Variants in KBTBD11 observed in about 807,000 individuals in gnomAD.
The protein encoded by KBTBD11 is kelch repeat and BTB domain containing 11.
For synonymous variants in KBTBD11, 747 were observed against 499.0 expected (o/e 1.50, Z -6.63); for missense variants, 1,390 against 1,001.8 (o/e 1.39, Z -5.23).
chr8:1,991,775 C>T (rs1816928156), intron 1 of KBTBD11, among the ~76,000 whole-genome samples: 3 of 151,884 alleles, frequency 2.0e-5, no homozygotes, highest in Non-Finnish European at 1.5e-5. Flanking sequence ...AGTGGGCCTT[C>T]TCGTTTTAGG....
chr8:1,981,539 T>C (rs967539335), intron 1 of KBTBD11, among the ~76,000 whole-genome samples: 2 of 152,182 alleles, frequency 1.3e-5, no homozygotes, highest in Non-Finnish European at 2.9e-5. Flanking sequence ...CCCCAATAGC[T>C]CGTAAAGTAT....
chr8:2,003,056 G>T lies in KBTBD11; in HGVS notation c.1864G>T (p.Ala622Ser). The change falls in exon 2 of 2, where the codon GCC becomes TCC. Residue 622 changes from alanine to serine, a missense_variant. Ala to Ser is a moderately conservative substitution (Grantham distance 99, BLOSUM62 1). Transcript: ENST00000320248. Reference protein sequence around the residue: ...PEKPPRGEQGAP With the variant: ...PEKPPRGEQGSP ...GAAGCCGCCCCGAGGGGAGCAGGGC[G>T]CCCCGTAGGCCGGCGGGGTCGGCGG... 1.6e-6 allele frequency: 2 copies of T among 1,264,222 alleles called. No homozygotes were observed. Among genetic ancestry groups the T allele is most frequent in the Non-Finnish European group, 2.0e-6 (2 of 1,001,952 alleles). The allele number at this position is 1,264,222 out of a possible 1,614,324, so 78.3% of individuals were successfully genotyped here. A position where few individuals can be genotyped will look rare whatever the true frequency, so the allele number is the denominator to read the frequency against.
rs773243453 is a variant in KBTBD11 at position 2,001,899 on chromosome 8, G to C, written c.707G>C (p.Cys236Ser). 3 of 1,431,048 alleles carry C rather than the reference G, an allele frequency of 2.1e-6. No homozygotes were observed. The highest frequency in any genetic ancestry group is 3.0e-5 in the African/African-American group (2 of 66,868). The allele number at this position is 1,431,048 out of a possible 1,614,324, so 88.6% of individuals were successfully genotyped here. A position where few individuals can be genotyped will look rare whatever the true frequency, so the allele number is the denominator to read the frequency against. Reference protein sequence around the residue: ...AVGPQLSLANCYEVLSAAKRQ... With the variant: ...AVGPQLSLANSYEVLSAAKRQ... ...GGGCCGCAGCTGAGCCTGGCCAACTGCTACGAGGTCCTGAGCGCGGCCAAG... is the reference window on the plus strand; with the variant it reads ...GGGCCGCAGCTGAGCCTGGCCAACTCCTACGAGGTCCTGAGCGCGGCCAAG... The change falls in exon 2 of 2, where the codon TGC (cysteine) becomes TCC (serine). Residue 236 changes from cysteine (C) to serine (S), a missense_variant. Coordinates refer to ENST00000320248, the MANE Select transcript of KBTBD11 (RefSeq NM_014867.3).
chr8:2,002,681 G>C lies in KBTBD11; in HGVS notation c.1489G>C (p.Ala497Pro). 4 of 1,560,978 alleles carry C rather than the reference G, an allele frequency of 2.6e-6. No individual in the cohort carries two copies. The highest frequency in any genetic ancestry group is 3.4e-6 in the Non-Finnish European group (4 of 1,162,572). ...SSRERSADMV[A>P]LDGFIYRFDL... ...CCGCGAGCGCTCGGCCGACATGGTG[G>C]CTCTCGACGGCTTCATCTACCGCTT... Residue 497 changes from alanine to proline, a missense_variant, in exon 2 of 2, where the codon GCT becomes CCT. By Grantham distance (27) the Ala-to-Pro change is conservative (BLOSUM62 -1). Coordinates refer to ENST00000320248, the MANE Select transcript of KBTBD11 (RefSeq NM_014867.3). The surrounding 1 kb of genome is among the most constrained non-coding windows in gnomAD (Gnocchi z 4.1).
At position 1,973,869 on chromosome 8, in the gene KBTBD11, A is replaced by G. The variant is rs975754682; in HGVS notation, c.-975A>G. The G allele has an allele frequency of 1.1e-4, 107 of 982,452 alleles. No homozygotes were observed. Among genetic ancestry groups the G allele is most frequent in the Admixed American group, 6.2e-5 (1 of 16,040 alleles). 60.9% of individuals were successfully genotyped at this position (982,452 alleles called of 1,614,324 possible). On this transcript the variant is annotated 5_prime_UTR_variant, in exon 1 of 2. It removes an upstream start codon present in the reference 5' UTR. Coordinates refer to ENST00000320248, the MANE Select transcript of KBTBD11 (RefSeq NM_014867.3). Reference sequence around the variant, plus strand: ...CAGGTGCCGGGAAGCGGCCGCGCGCATGCGCCGGAGCCCACCCGCCTGGCT... The same window carrying G: ...CAGGTGCCGGGAAGCGGCCGCGCGCGTGCGCCGGAGCCCACCCGCCTGGCT...
At chr8:2,000,210 G>C (rs1158229237) in intron 1 of KBTBD11, 75 bp from the exon 2 acceptor site, 1 of 152,234 alleles carries the variant, frequency 6.6e-6, no homozygotes, top group East Asian at 1.9e-4. Flanking sequence ...AGAGGGAAGG[G>C]TGGTAGACTC....
intron 1 of KBTBD11, chr8:1,974,271 C>T (rs983336461): frequency 1.0e-6 from 1 of 980,334 alleles, no homozygotes; most frequent in African/African-American, 1.8e-5. Context: ...CACAGGCCCT[C>T]CCCCGGGACG....
intron 1 of KBTBD11, among the ~76,000 whole-genome samples, chr8:1,987,735 T>C (rs1296671656): frequency 2.6e-5 from 4 of 151,478 alleles, no homozygotes; most frequent in Non-Finnish European, 5.9e-5. Flanking sequence ...TTTATTATTA[T>C]TATTATTATT....
chr8:1,995,469 G>A (rs1340024175), intron 1 of KBTBD11, among the ~76,000 whole-genome samples: 1 of 152,068 alleles, frequency 6.6e-6, no homozygotes, highest in African/African-American at 2.4e-5. Context: ...GTGTAATTCT[G>A]CACATTTTCA....
Position 1,973,830 on chromosome 8 carries a change from G to C in KBTBD11, c.-1014G>C. ...CGCTCGCAGGTGCTCGGAGAGGCCG[G>C]GCCGCGGCTCCCACAGGTGCCGGGA... On this transcript the variant is annotated 5_prime_UTR_variant, in exon 1 of 2. Transcript: ENST00000320248. 1 of 983,134 alleles carries C rather than the reference G, an allele frequency of 1.0e-6. No individual in the cohort carries two copies. The highest frequency in any genetic ancestry group is 1.2e-6 in the Non-Finnish European group (1 of 829,096). 60.9% of individuals were successfully genotyped at this position (983,134 alleles called of 1,614,324 possible).
At chr8:1,980,670 A>G (rs1303144453) in intron 1 of KBTBD11, among the ~76,000 whole-genome samples, 1 of 152,170 alleles carries the variant, frequency 6.6e-6, no homozygotes, top group African/African-American at 2.4e-5. Context: ...GTGTGCTGAG[A>G]AGTGCTTGTC....
intron 1 of KBTBD11, among the ~76,000 whole-genome samples, chr8:1,996,677 C>G (rs1005798492): frequency 3.3e-5 from 5 of 152,106 alleles, no homozygotes; most frequent in African/African-American, 1.2e-4. Context: ...GAAAGGAAGA[C>G]TCTTTTTAGC....
chr8:1,987,887 C>A (rs1208585057), intron 1 of KBTBD11, among the ~76,000 whole-genome samples: 1 of 152,094 alleles, frequency 6.6e-6, no homozygotes, highest in African/African-American at 2.4e-5. Context: ...CCCCCAGCTC[C>A]CCAGCCCCCG....
At position 2,000,875 on chromosome 8, in the gene KBTBD11, C is replaced by G. The variant is rs1452191176; in HGVS notation, c.-318C>G. ...CCAGTCATTGCTGGATGTTGGCTGA[C>G]GCGGTCCTGGCGCCAGCTGGAGATC... On this transcript the variant is annotated 5_prime_UTR_variant, in exon 2 of 2. Transcript: ENST00000320248. The G allele has an allele frequency of 3.2e-6, 1 of 310,110 alleles. No individual in the cohort carries two copies. The highest frequency in any genetic ancestry group is 2.1e-5 in the African/African-American group (1 of 46,654). 19.2% of individuals were successfully genotyped at this position (310,110 alleles called of 1,614,324 possible).
At chr8:1,992,629 C>T (rs1361384110) in intron 1 of KBTBD11, among the ~76,000 whole-genome samples, 1 of 151,800 alleles carries the variant, frequency 6.6e-6, no homozygotes, top group South Asian at 2.1e-4. Flanking sequence ...CATCCCAATC[C>T]CCATCCTTAT....
At chr8:1,992,438 G>C (rs2129313273) in intron 1 of KBTBD11, among the ~76,000 whole-genome samples, 1 of 152,168 alleles carries the variant, frequency 6.6e-6, no homozygotes, top group Admixed American at 6.5e-5. Context: ...AGCGAGCTCG[G>C]TGGAGGCTTT....
Position 2,002,973 on chromosome 8 carries a change from T to A in KBTBD11, c.1781T>A (p.Leu594Gln). The A allele has an allele frequency of 3.8e-6, 5 of 1,313,796 alleles. No homozygotes were observed. Among genetic ancestry groups the A allele is most frequent in the Non-Finnish European group, 4.8e-6 (5 of 1,032,524 alleles). 81.4% of individuals were successfully genotyped at this position (1,313,796 alleles called of 1,614,324 possible). A position where few individuals can be genotyped will look rare whatever the true frequency, so the allele number is the denominator to read the frequency against. ...DAGQGGGFEA[L>Q]GAPLDVRGVL... is the part of the protein sequence containing the mutation. ...GGCCAGGGCGGCGGCTTCGAGGCGC[T>A]GGGCGCCCCCTTGGACGTCCGGGGT... The change falls in exon 2 of 2, where the codon CTG becomes CAG. Residue 594 changes from leucine to glutamine, a missense_variant. Physicochemically the swap from Leu to Gln is moderately radical, Grantham distance 113. Coordinates refer to ENST00000320248, the MANE Select transcript of KBTBD11 (RefSeq NM_014867.3). The surrounding 1 kb of genome is among the most constrained non-coding windows in gnomAD (Gnocchi z 4.1).
In KBTBD11 at chr8:1,973,820, G is replaced by C. The variant is rs1036141738; in HGVS notation, c.-1024G>C. 2.0e-6 allele frequency: 2 copies of C among 983,124 alleles called. No individual in the cohort carries two copies. Among genetic ancestry groups the C allele is most frequent in the Admixed American group, 6.2e-5 (1 of 16,090 alleles). 60.9% of individuals were successfully genotyped at this position (983,124 alleles called of 1,614,324 possible). ...GAGCAGCTCCCGCTCGCAGGTGCTC[G>C]GAGAGGCCGGGCCGCGGCTCCCACA... On this transcript the variant is annotated 5_prime_UTR_variant, in exon 1 of 2. Transcript: ENST00000320248.
intron 1 of KBTBD11, among the ~76,000 whole-genome samples, chr8:1,998,338 C>A (rs1054963096): frequency 4.6e-5 from 7 of 152,204 alleles, no homozygotes; most frequent in African/African-American, 1.7e-4. Flanking sequence ...GTGTCTGTTT[C>A]ATCATGGAGA....
Sources: gnomAD v4.1 joint callset for allele counts (sites outside exome capture counted in the v4.1 genomes callset) on GRCh38, gnomAD v4.1.1 for gene constraint, Gnocchi (gnomAD v3.1) non-coding constraint, MANE v1.5 for transcripts, NCBI Gene and HGNC (gene_info 2026-07-23, HGNC 2026-07-21) for gene names.